The following MRM3 variants were observed in gnomAD, a reference collection of about 807,000 sequenced individuals.
MRM3 encodes the protein mitochondrial rRNA methyltransferase 3.
In MRM3, 26 loss-of-function variants were observed where a neutral mutation model predicts 29.4. That is an observed-to-expected ratio of 0.89 (90% CI 0.65 to 1.23). The LOEUF is 1.23. MRM3 is among the 50% of genes most tolerant of loss of function. The pLI is 0.00. For missense variants in MRM3, 578 were observed against 540.2 expected (o/e 1.07, Z -0.69); for synonymous variants, 225 against 219.0 (o/e 1.03, Z -0.24).
At chr17:785,553 G>A (rs896462703) in intron 2 of MRM3, among the ~76,000 whole-genome samples, 2 of 152,128 alleles carry the variant, frequency 1.3e-5, no homozygotes, top group African/African-American at 2.4e-5. Context: ...AGGACAGAGC[G>A]GTCGCCAGTA....
intron 3 of MRM3, chr17:789,923 C>T (rs1057304177): frequency 6.6e-6 from 1 of 152,246 alleles, no homozygotes; most frequent in Non-Finnish European, 1.5e-5. Flanking sequence ...CTTCTCCCCT[C>T]CAGGCAGAGG....
rs147612743 is a variant in MRM3 at position 782,541 on chromosome 17, G to A, written c.163G>A (p.Gly55Arg). ...GGTGGTGGAACAGAAGCGCGCTCCTGGGAAGCAGCCCCGCAAGGCACCATC... is the reference window on the plus strand; with the variant it reads ...GGTGGTGGAACAGAAGCGCGCTCCTAGGAAGCAGCCCCGCAAGGCACCATC... ...GEVVEQKRAP[G>R]KQPRKAPSEA... The change falls in exon 1 of 4, where the codon GGG (glycine) becomes AGG (arginine). Residue 55 changes from glycine to arginine, a missense_variant. Coordinates refer to ENST00000304478, the MANE Select transcript of MRM3 (RefSeq NM_018146.4). 4 of 1,613,780 alleles carry A rather than the reference G, an allele frequency of 2.5e-6. No individual in the cohort carries two copies. The highest frequency in any genetic ancestry group is 1.1e-5 in the South Asian group (1 of 91,084).
Position 792,219 on chromosome 17 carries a change from C to G in MRM3, c.*150C>G, listed in dbSNP as rs1463767390. 4 of 746,186 alleles carry G rather than the reference C, an allele frequency of 5.4e-6. No homozygotes were observed. The highest frequency in any genetic ancestry group is 8.4e-6 in the Non-Finnish European group (4 of 476,024). 46.2% of individuals were successfully genotyped at this position (746,186 alleles called of 1,614,324 possible). On this transcript the variant is annotated 3_prime_UTR_variant, in exon 4 of 4. Coordinates refer to ENST00000304478, the MANE Select transcript of MRM3 (RefSeq NM_018146.4). ...ACAGTTACAGGAAAAATAAGAACTT[C>G]CTCAGAAAGAACAGGTCCGAATTCT...
chr17:790,620 G>T (rs1910756317), intron 3 of MRM3: 1 of 135,204 alleles, frequency 7.4e-6, no homozygotes, highest in African/African-American at 3.0e-5. Flanking sequence ...CCCCTGTGCC[G>T]CCACAGCACC....
At position 792,101 on chromosome 17, in the gene MRM3, C is replaced by G. The variant is rs1353381515; in HGVS notation, c.*32C>G. The G allele has an allele frequency of 1.3e-6, 2 of 1,552,348 alleles. No homozygotes were observed. Among genetic ancestry groups the G allele is most frequent in the African/African-American group, 2.7e-5 (2 of 73,646 alleles). On this transcript the variant is annotated 3_prime_UTR_variant, in exon 4 of 4. Transcript: ENST00000304478. Reference sequence around the variant, plus strand: ...AGAAGTGACTTCTGCTTGAGGACGTCTGCAGCTCCTCCTACACCAGCACAC... The same window carrying G: ...AGAAGTGACTTCTGCTTGAGGACGTGTGCAGCTCCTCCTACACCAGCACAC...
At chr17:789,272 A>G (rs1190468050) in intron 3 of MRM3, among the ~76,000 whole-genome samples, 1 of 152,198 alleles carries the variant, frequency 6.6e-6, no homozygotes, top group Non-Finnish European at 1.5e-5. Flanking sequence ...TGCTGAGTAT[A>G]TGAGCCACTC....
rs1221973033 is a variant in MRM3 at position 791,994 on chromosome 17, C to T, written c.1188C>T (p.Ser396=). Residue 396 remains serine (S), a synonymous_variant, in exon 4 of 4, where the codon AGC becomes AGT. Transcript: ENST00000304478. ...GCCTCAACTCGGCCATGGCGGCAAG[C>T]ATCCTGCTTTTCGAAGGGAAAAGAC... ...VDSLNSAMAA[S]ILLFEGKRQL... is the part of the protein sequence containing the mutation. The T allele has an allele frequency of 6.2e-7, 1 of 1,613,950 alleles. No homozygotes were observed. The highest frequency in any genetic ancestry group is 1.1e-5 in the South Asian group (1 of 91,078).
At chr17:782,779 C>A in intron 1 of MRM3, 87 bp downstream of exon 1, 1 of 1,361,530 alleles carries the variant, frequency 7.3e-7, no homozygotes, top group Non-Finnish European at 9.9e-7. Context: ...TGGAGGACTT[C>A]TTCCAGTACA....
chr17:786,921 G>A (rs1242158357), intron 2 of MRM3, among the ~76,000 whole-genome samples: 2 of 152,146 alleles, frequency 1.3e-5, no homozygotes, highest in Non-Finnish European at 2.9e-5. Flanking sequence ...CATAGGGGAA[G>A]AGCTAAATGA....
At chr17:785,604 T>A (rs1910495095) in intron 2 of MRM3, among the ~76,000 whole-genome samples, 1 of 152,196 alleles carries the variant, frequency 6.6e-6, no homozygotes, top group South Asian at 2.1e-4. Context: ...CTTCTGGACC[T>A]CCAGCGTGAG....
In MRM3 at chr17:791,721, T is replaced by C. The variant is rs1295211897; in HGVS notation, c.915T>C (p.His305=). 1.9e-6 allele frequency: 3 copies of C among 1,614,068 alleles called. No individual in the cohort carries two copies. The highest frequency in any genetic ancestry group is 2.5e-6 in the Non-Finnish European group (3 of 1,180,050). The change falls in exon 4 of 4, where the codon CAT becomes CAC. Residue 305 remains histidine (H), a synonymous_variant. Coordinates refer to ENST00000304478, the MANE Select transcript of MRM3 (RefSeq NM_018146.4). ...QAEMSNKASD[H]GWVCDQRVMK... The stretch of plus-strand genomic sequence containing the variant: ...AGATGTCTAATAAAGCTAGTGACCA[T>C]GGCTGGGTGTGTGATCAACGAGTGA...
chr17:785,140 A>G (rs182251379), intron 2 of MRM3, among the ~76,000 whole-genome samples: 267 of 152,196 alleles, frequency 1.8e-3, no homozygotes, highest in African/African-American at 5.9e-3. Context: ...TTATACATAA[A>G]GAGTTTAGGG....
In MRM3 at chr17:782,430, G is replaced by T; in HGVS notation, c.52G>T (p.Val18Leu). ...ARFVVRPLLQ[V>L]VQAWDLDARR... ...GTTTGTCGTGCGACCGTTGCTGCAG[G>T]TGGTCCAGGCTTGGGACCTTGACGC... Residue 18 changes from valine to leucine, a missense_variant, in exon 1 of 4, where the codon GTG becomes TTG. By Grantham distance (32) the Val-to-Leu change is conservative. Coordinates refer to ENST00000304478, the MANE Select transcript of MRM3 (RefSeq NM_018146.4). 1 of 1,614,038 alleles carries T rather than the reference G, an allele frequency of 6.2e-7. No individual in the cohort carries two copies. The highest frequency in any genetic ancestry group is 2.2e-5 in the East Asian group (1 of 44,884).
In MRM3 at chr17:783,138, C is replaced by T. The variant is rs1910272083; in HGVS notation, c.370C>T (p.Leu124=). 2 of 1,613,798 alleles carry T rather than the reference C, an allele frequency of 1.2e-6. No individual in the cohort carries two copies. Among genetic ancestry groups the T allele is most frequent in the South Asian group, 1.1e-5 (1 of 91,090 alleles). Residue 124 remains leucine (L), a synonymous_variant, in exon 2 of 4, where the codon CTG becomes TTG. Coordinates refer to ENST00000304478, the MANE Select transcript of MRM3 (RefSeq NM_018146.4). The stretch of plus-strand genomic sequence containing the variant: ...ATTTCGGGAAAAACAAGGGAAGATC[C>T]TGCTGGAAGGTCGCAGGCTCATTTC... ...RPFREKQGKI[L]LEGRRLISDA...
Position 791,993 on chromosome 17 carries a change from G to A in MRM3, c.1187G>A (p.Ser396Asn), listed in dbSNP as rs763981850. Residue 396 changes from serine (S) to asparagine (N), a missense_variant, in exon 4 of 4, where the codon AGC becomes AAC. Transcript: ENST00000304478. ...AGCCTCAACTCGGCCATGGCGGCAA[G>A]CATCCTGCTTTTCGAAGGGAAAAGA... ...VDSLNSAMAA[S>N]ILLFEGKRQL... The A allele has an allele frequency of 8.1e-6, 13 of 1,613,968 alleles. 1 individual carries two copies. In the South Asian group the frequency reaches 8.8e-5, roughly 11 times the overall value.
Position 783,802 on chromosome 17 carries a change from T to C in MRM3, c.559+475T>C, listed in dbSNP as rs376829465. 4.3e-4 allele frequency among the ~76,000 whole-genome samples: 66 copies of C among 152,356 alleles called. No homozygotes were observed. The East Asian group carries it at 8.3e-3, about 19-fold the overall frequency. On this transcript the variant is annotated intron_variant, in intron 2 of 3. Transcript: ENST00000304478. ...ATGGAAATTGAAACCCGTTTTTCAC[T>C]ATCATTTGTGTTGTGGCTCTTTATG...
rs200037725 is a variant in MRM3 at position 792,032 on chromosome 17, G to T, written c.1226G>T (p.Arg409Met). The T allele has an allele frequency of 6.2e-7, 1 of 1,612,406 alleles. No individual in the cohort carries two copies. The change falls in exon 4 of 4, where the codon AGG becomes ATG. Residue 409 changes from arginine (R) to methionine (M), a missense_variant. Transcript: ENST00000304478. ...GAAGGGAAAAGACAGCTGCGGGGGAGGGCGGAGGACTTGAGCAGGGACAGG... is the reference window on the plus strand; with the variant it reads ...GAAGGGAAAAGACAGCTGCGGGGGATGGCGGAGGACTTGAGCAGGGACAGG... ...LFEGKRQLRG[R>M]AEDLSRDRSY...
chr17:790,479 C>T lies in MRM3; in HGVS notation c.728-1055C>T, dbSNP rs187217982. ...TCCTCCGTGTTGGCCTGCCCACCTC[C>T]CACCTCCTGTGCCACTACAGCCCCA... is the stretch of plus-strand genomic sequence containing the variant. On this transcript the variant is annotated intron_variant, in intron 3 of 3. Transcript: ENST00000304478. 1.5e-3 allele frequency: 274 copies of T among 178,800 alleles called. 3 individuals are homozygous for T. The highest frequency in any genetic ancestry group is 6.2e-3 in the African/African-American group (258 of 41,700). 11.1% of individuals were successfully genotyped at this position (178,800 alleles called of 1,614,324 possible).
At chr17:790,503 C>T (rs926855312) in intron 3 of MRM3, 9 of 207,520 alleles carry the variant, frequency 4.3e-5, no homozygotes, top group African/African-American at 1.2e-4. Flanking sequence ...ACTACAGCCC[C>T]AGCGCTGATT....
Sources: gnomAD v4.1 joint callset for allele counts (sites outside exome capture counted in the v4.1 genomes callset) on GRCh38, gnomAD v4.1.1 for gene constraint, MANE v1.5 for transcripts, NCBI Gene and HGNC (gene_info 2026-07-23, HGNC 2026-07-21) for gene names.